The following EYS variants were observed in gnomAD, a reference collection of about 807,000 sequenced individuals.
EYS encodes the protein protein eyes shut homolog.
In EYS, 250 loss-of-function variants were observed where a neutral mutation model predicts 282.1. The observed-to-expected ratio is 0.89, with a 90% CI of 0.80 to 0.98. EYS has a LOEUF of 0.98. EYS is among the 50% of genes least tolerant of loss of function. The pLI, the probability that EYS is intolerant of heterozygous loss-of-function variation, is 0.00. For synonymous variants in EYS, 1,355 were observed against 1,282.9 expected (o/e 1.06, Z -1.20); for missense variants, 4,016 against 3,709.0 (o/e 1.08, Z -2.15).
chr6:64,701,265 A>C (rs1770777756), intron 22 of EYS, among the ~76,000 whole-genome samples: 2 of 152,148 alleles, frequency 1.3e-5, no homozygotes, highest in African/African-American at 4.8e-5. Context: ...AGCCATAAAA[A>C]TACTAAAAGA....
chr6:64,914,102 C>G (rs1028205762), intron 15 of EYS, among the ~76,000 whole-genome samples: 1 of 151,870 alleles, frequency 6.6e-6, no homozygotes, highest in Admixed American at 6.6e-5. Context: ...AAAATTCTAG[C>G]AGACAGGAGG....
At chr6:63,736,476 T>C (rs1445388389) in intron 41 of EYS, among the ~76,000 whole-genome samples, 3 of 152,066 alleles carry the variant, frequency 2.0e-5, no homozygotes, top group Admixed American at 6.6e-5. Context: ...ACCATGCTGT[T>C]TTGGTTACTG....
At chr6:64,511,989 G>T (rs1045835019) in intron 26 of EYS, among the ~76,000 whole-genome samples, 1 of 151,974 alleles carries the variant, frequency 6.6e-6, no homozygotes, top group African/African-American at 2.4e-5. Context: ...CCTGCTAATT[G>T]TTCTCAACTT....
chr6:65,405,668 T>A (rs1286488872), intron 5 of EYS, among the ~76,000 whole-genome samples: 1 of 152,110 alleles, frequency 6.6e-6, no homozygotes, highest in Non-Finnish European at 1.5e-5. Context: ...GTTCCAGGCA[T>A]TTCATTAGAA....
At chr6:64,288,063 T>G (rs1768560923) in intron 30 of EYS, among the ~76,000 whole-genome samples, 1 of 151,970 alleles carries the variant, frequency 6.6e-6, no homozygotes, top group African/African-American at 2.4e-5. Flanking sequence ...GCAAAAGGGG[T>G]TTGGGAACAC....
intron 1 of EYS, among the ~76,000 whole-genome samples, chr6:65,653,011 A>G (rs1041984196): frequency 1.3e-5 from 2 of 151,976 alleles, no homozygotes; most frequent in Admixed American, 6.6e-5. Context: ...AGGAGGTTCA[A>G]CCTAAGCCAG....
intron 5 of EYS, among the ~76,000 whole-genome samples, chr6:65,485,578 G>T (rs1765754585): frequency 1.3e-5 from 2 of 152,344 alleles, no homozygotes; most frequent in South Asian, 2.1e-4. Flanking sequence ...GCCAAGGCAA[G>T]TGGATCGCTG....
chr6:63,975,013 A>G (rs1766766140), intron 35 of EYS, among the ~76,000 whole-genome samples: 2 of 151,906 alleles, frequency 1.3e-5, no homozygotes, highest in South Asian at 4.1e-4. Flanking sequence ...AAAACCCTAC[A>G]GCTTCAGTCA....
chr6:64,980,143 G>T (rs975185276), intron 14 of EYS, among the ~76,000 whole-genome samples: 3 of 151,454 alleles, frequency 2.0e-5, no homozygotes, highest in Admixed American at 6.6e-5. Context: ...TAAAAAATGT[G>T]CTGCAAGTTT....
chr6:65,271,020 C>A (rs1767884249), intron 12 of EYS, among the ~76,000 whole-genome samples: 1 of 150,556 alleles, frequency 6.6e-6, no homozygotes, highest in Non-Finnish European at 1.5e-5. Flanking sequence ...TATCCATTAT[C>A]CAGTTCTAAA....
At chr6:64,819,037 G>T (rs1273945471) in intron 21 of EYS, among the ~76,000 whole-genome samples, 1 of 152,104 alleles carries the variant, frequency 6.6e-6, no homozygotes, top group Admixed American at 6.6e-5. Flanking sequence ...TGACCCGAGT[G>T]CTCTTTTCAG....
chr6:63,984,808 T>A (rs1387242010), intron 34 of EYS, among the ~76,000 whole-genome samples: 1 of 151,776 alleles, frequency 6.6e-6, no homozygotes, highest in African/African-American at 2.4e-5. Flanking sequence ...ATCTCTTTTT[T>A]AGCTCTAACA....
chr6:65,521,371 T>A (rs1767365356), intron 2 of EYS, among the ~76,000 whole-genome samples: 1 of 152,152 alleles, frequency 6.6e-6, no homozygotes, highest in Non-Finnish European at 1.5e-5. Flanking sequence ...GAAAAGAAGG[T>A]AATGCTTGTT....
At chr6:65,019,044 A>C (rs145771283) in intron 13 of EYS, among the ~76,000 whole-genome samples, 2 of 152,316 alleles carry the variant, frequency 1.3e-5, no homozygotes, top group East Asian at 1.9e-4. Flanking sequence ...GCATAAATGT[A>C]GAACGAGAAA....
At chr6:65,391,029 G>A (rs776989262) in intron 7 of EYS, among the ~76,000 whole-genome samples, 19 of 152,228 alleles carry the variant, frequency 1.2e-4, no homozygotes, top group Admixed American at 7.2e-4. Flanking sequence ...TGGGGCTAAG[G>A]TTCCTTTAAT....
At chr6:65,417,895 A>G (rs147352202) in intron 5 of EYS, among the ~76,000 whole-genome samples, 1 of 152,012 alleles carries the variant, frequency 6.6e-6, no homozygotes, top group Non-Finnish European at 1.5e-5. Context: ...GTACCTAAAA[A>G]CATGTAAATC....
intron 12 of EYS, among the ~76,000 whole-genome samples, chr6:65,079,468 G>A (rs1774155686): frequency 1.3e-5 from 2 of 151,788 alleles, no homozygotes; most frequent in African/African-American, 4.8e-5. Flanking sequence ...CCAATGAAAA[G>A]TTATCCAAAT....
At chr6:64,919,196 G>T (rs907202205) in intron 15 of EYS, among the ~76,000 whole-genome samples, 1 of 151,906 alleles carries the variant, frequency 6.6e-6, no homozygotes, top group African/African-American at 2.4e-5. Flanking sequence ...TTTTGAGATG[G>T]AGTCTCACTC....
At chr6:64,597,443 T>C (rs2149835914) in intron 24 of EYS, among the ~76,000 whole-genome samples, 1 of 152,226 alleles carries the variant, frequency 6.6e-6, no homozygotes, top group South Asian at 2.1e-4. Context: ...CCGTTCACAA[T>C]AGCAAAGATG....
Sources: gnomAD v4.1 joint callset for allele counts (sites outside exome capture counted in the v4.1 genomes callset) on GRCh38, gnomAD v4.1.1 for gene constraint, MANE v1.5 for transcripts, NCBI Gene and HGNC (gene_info 2026-07-23, HGNC 2026-07-21) for gene names.